The following SH3PXD2A variants were observed in gnomAD, a reference collection of about 807,000 sequenced individuals.
The protein encoded by SH3PXD2A is SH3 and PX domains 2A, also known as SH3 and PX domain-containing protein 2A.
SH3PXD2A carries 32 observed loss-of-function variants against 115.2 expected under a neutral mutation model. The observed-to-expected ratio is 0.28, with a 90% CI of 0.21 to 0.37. SH3PXD2A has a LOEUF of 0.37. SH3PXD2A is among the 10% of genes least tolerant of loss of function. The probability of loss-of-function intolerance (pLI) is 1.00; values close to 1 mark genes in which losing one functional copy is unlikely to be tolerated. For missense variants in SH3PXD2A, 1,328 were observed against 1,498.7 expected (o/e 0.89, Z 1.88); for synonymous variants, 610 against 629.1 (o/e 0.97, Z 0.45).
intron 5 of SH3PXD2A, among the ~76,000 whole-genome samples, chr10:103,707,663 T>C (rs892682438): frequency 2.0e-5 from 3 of 152,016 alleles, no homozygotes; most frequent in African/African-American, 4.8e-5. Context: ...CTGTACTTCA[T>C]GTACATTATT....
intron 1 of SH3PXD2A, among the ~76,000 whole-genome samples, chr10:103,851,985 C>T (rs1372309669): frequency 6.6e-6 from 1 of 152,224 alleles, no homozygotes; most frequent in Non-Finnish European, 1.5e-5. Flanking sequence ...GACCTGAATT[C>T]AAATCTTTAC....
chr10:103,658,620 A>C lies in SH3PXD2A; in HGVS notation c.604+2363T>G, dbSNP rs537319870. On this transcript the variant is annotated intron_variant, in intron 8 of 14. Transcript: ENST00000369774. The stretch of plus-strand genomic sequence containing the variant: ...TACTCCAGGCCTCCTAGTAGATAGC[A>C]ACAGACGGGTTTGAATAGGTAGGCA... Among the ~76,000 whole-genome samples, 5 of 152,322 alleles carry C rather than the reference A, an allele frequency of 3.3e-5. No individual in the cohort carries two copies. The South Asian group carries it at 1.0e-3, about 32-fold the overall frequency.
intron 5 of SH3PXD2A, among the ~76,000 whole-genome samples, chr10:103,700,297 TC>T (rs1395429731): frequency 2.0e-5 from 3 of 152,356 alleles, no homozygotes; most frequent in African/African-American, 7.2e-5. Context: ...ATAGTTGCTA[TC>T]TTACAGAGCT....
At chr10:103,715,842 C>T (rs1235559241) in intron 5 of SH3PXD2A, among the ~76,000 whole-genome samples, 1 of 152,222 alleles carries the variant, frequency 6.6e-6, no homozygotes, top group African/African-American at 2.4e-5. Context: ...TGCACTGCCA[C>T]ACACACCACC....
At chr10:103,638,773 G>A (rs1310593323) in intron 8 of SH3PXD2A, among the ~76,000 whole-genome samples, 2 of 152,242 alleles carry the variant, frequency 1.3e-5, no homozygotes, top group East Asian at 1.9e-4. Context: ...GTCGCAAAGC[G>A]CTGACATGAA....
At chr10:103,702,466 G>A (rs777994735) in intron 5 of SH3PXD2A, among the ~76,000 whole-genome samples, 15 of 152,154 alleles carry the variant, frequency 9.9e-5, no homozygotes, top group African/African-American at 2.7e-4. Flanking sequence ...GTGGAAGATG[G>A]GGCACTAGAG....
In SH3PXD2A at chr10:103,756,566, A is replaced by C. The variant is rs1295234840; in HGVS notation, c.229+10528T>G. Among the ~76,000 whole-genome samples the C allele has an allele frequency of 6.6e-6, 1 of 152,080 alleles. No individual in the cohort carries two copies. The highest frequency in any genetic ancestry group is 1.5e-5 in the Non-Finnish European group (1 of 67,990). ...GGCTGCCCACCACAAAGCACCTTTCATATGCTCCAAAGGCTTCGGCCACCT... is the reference window on the plus strand; with the variant it reads ...GGCTGCCCACCACAAAGCACCTTTCCTATGCTCCAAAGGCTTCGGCCACCT... On this transcript the variant is annotated intron_variant, in intron 3 of 14. Transcript: ENST00000369774. The surrounding 1 kb of genome is among the most constrained non-coding windows in gnomAD (Gnocchi z 4.4).
chr10:103,798,394 C>T (rs575739014), intron 2 of SH3PXD2A, among the ~76,000 whole-genome samples: 69 of 152,276 alleles, frequency 4.5e-4, no homozygotes, highest in South Asian at 3.7e-3. Flanking sequence ...ACTGCAGCCA[C>T]GACCTGCTAG....
chr10:103,804,675 G>A (rs1007323128), intron 1 of SH3PXD2A, among the ~76,000 whole-genome samples: 5 of 152,094 alleles, frequency 3.3e-5, no homozygotes, highest in Non-Finnish European at 7.4e-5. Flanking sequence ...AGCCTGCGGT[G>A]CTCTTGCTGA....
intron 1 of SH3PXD2A, among the ~76,000 whole-genome samples, chr10:103,816,318 T>C (rs2039323213): frequency 6.6e-6 from 1 of 152,190 alleles, no homozygotes; most frequent in Non-Finnish European, 1.5e-5. Context: ...ATAATAAAAA[T>C]ATGTAATCCA....
At chr10:103,675,990 G>T (rs937051520) in intron 6 of SH3PXD2A, among the ~76,000 whole-genome samples, 2 of 151,952 alleles carry the variant, frequency 1.3e-5, no homozygotes, top group Non-Finnish European at 2.9e-5. Flanking sequence ...AGTGAGCCGA[G>T]ATCGCGCCAT....
intron 1 of SH3PXD2A, among the ~76,000 whole-genome samples, chr10:103,851,588 C>T (rs570693536): frequency 1.8e-4 from 28 of 152,266 alleles, no homozygotes. Flanking sequence ...GTGCCAGCTG[C>T]GAGACCCTAA....
At position 103,641,700 on chromosome 10, in the gene SH3PXD2A, G is replaced by C. The variant is rs1035547598; in HGVS notation, c.605-14498C>G. ...TCCACTGGTGTCTACGAAGCCCTGA[G>C]TCTTGGAAGAGTCGAGGGTGTGGCT... On this transcript the variant is annotated intron_variant, in intron 8 of 14. Transcript: ENST00000369774. Among the ~76,000 whole-genome samples the C allele has an allele frequency of 2.0e-5, 3 of 152,190 alleles. No homozygotes were observed. The East Asian group carries it at 5.8e-4, about 29-fold the overall frequency.
chr10:103,616,336 T>A (rs2036518166), intron 11 of SH3PXD2A, among the ~76,000 whole-genome samples: 1 of 152,108 alleles, frequency 6.6e-6, no homozygotes, highest in Admixed American at 6.5e-5. Context: ...GCTGGGTAAC[T>A]GGCAGAGAAG....
chr10:103,822,460 C>CT (rs1206213157), intron 1 of SH3PXD2A, among the ~76,000 whole-genome samples: 2 of 152,340 alleles, frequency 1.3e-5, no homozygotes, highest in African/African-American at 4.8e-5. Flanking sequence ...CTGCCATGGC[C>CT]CCCCATTCCC....
intron 6 of SH3PXD2A, among the ~76,000 whole-genome samples, chr10:103,684,688 G>A (rs916868615): frequency 1.3e-5 from 2 of 152,140 alleles, no homozygotes; most frequent in East Asian, 3.9e-4. Flanking sequence ...ACTTATGGGC[G>A]GGTCTTGCTC....
chr10:103,646,114 C>T (rs1052430391), intron 8 of SH3PXD2A, among the ~76,000 whole-genome samples: 3 of 152,152 alleles, frequency 2.0e-5, no homozygotes, highest in African/African-American at 2.4e-5. Context: ...TCAGTTTCAT[C>T]GGTTTCTGAT....
chr10:103,767,394 G>T (rs79636562), intron 2 of SH3PXD2A, among the ~76,000 whole-genome samples: 3,213 of 152,308 alleles, frequency 0.021, 50 homozygotes, highest in Non-Finnish European at 0.035. Context: ...ATCTCAGTGA[G>T]CGGGTAGGAG....
rs10786759 is a variant in SH3PXD2A, at chr10:103,596,646, C to G, written c.*5170G>C. ...ACTTGCATACACAGACACACACACA[C>G]ACACACACACACACACACTCTCTCT... is the stretch of plus-strand genomic sequence containing the variant. On this transcript the variant is annotated 3_prime_UTR_variant, in exon 15 of 15. Coordinates refer to ENST00000369774, the MANE Select transcript of SH3PXD2A (RefSeq NM_001394015.1). The G allele has an allele frequency of 0.38, 27,478 of 72,946 alleles. 2,511 individuals carry two copies. The highest frequency in any genetic ancestry group is 0.45 in the East Asian group (924 of 2,064). 4.5% of individuals were successfully genotyped at this position (72,946 alleles called of 1,614,324 possible). A position where few individuals can be genotyped will look rare whatever the true frequency, so the allele number is the denominator to read the frequency against.
Sources: allele counts gnomAD v4.1 joint callset (sites outside exome capture counted in the v4.1 genomes callset), GRCh38; gene constraint gnomAD v4.1.1; non-coding constraint Gnocchi (gnomAD v3.1); transcripts MANE v1.5; gene names NCBI Gene and HGNC (gene_info 2026-07-23, HGNC 2026-07-21).